The following TRRAP variants were observed in gnomAD, a reference collection of about 807,000 sequenced individuals.
TRRAP encodes transformation/transcription domain associated protein, also known as transformation/transcription domain-associated protein.
Under a neutral mutation model 438.8 loss-of-function variants are expected in TRRAP, and 41 were observed. That is an observed-to-expected ratio of 0.09 (90% CI 0.07 to 0.12). TRRAP has a LOEUF of 0.12. Among genes scored for constraint, TRRAP ranks in the 10% least tolerant of loss-of-function variants. The pLI, the probability that TRRAP is intolerant of heterozygous loss-of-function variation, is 1.00. For missense variants in TRRAP, 3,122 were observed against 5,055.1 expected, an observed-to-expected ratio of 0.62 and a Z score of 11.60; for synonymous variants, 1,994 against 1,962.9, an observed-to-expected ratio of 1.02 and a Z score of -0.42.
chr7:98,904,281 T>A (rs547068705), intron 12 of TRRAP, among the ~76,000 whole-genome samples: 1 of 151,960 alleles, frequency 6.6e-6, no homozygotes, highest in African/African-American at 2.4e-5. Flanking sequence ...CAGGAGATCC[T>A]GACCATCCTG....
chr7:98,878,761 A>C (rs1284348985), intron 1 of TRRAP, 124 bp downstream of exon 1: 2 of 151,608 alleles, frequency 1.3e-5, no homozygotes, highest in Non-Finnish European at 2.9e-5. Flanking sequence ...GCGCCCCGGG[A>C]TCCCCTAGGC....
chr7:99,004,643 C>A (rs1040888299), intron 68 of TRRAP, among the ~76,000 whole-genome samples: 3 of 152,216 alleles, frequency 2.0e-5, no homozygotes, highest in Non-Finnish European at 4.4e-5. Flanking sequence ...AGCAGACCTT[C>A]TTCCGAGTCA....
chr7:98,902,141 A>G (rs1397376853), intron 11 of TRRAP, among the ~76,000 whole-genome samples: 3 of 152,176 alleles, frequency 2.0e-5, no homozygotes, highest in African/African-American at 7.2e-5. Context: ...TATTTGGTTC[A>G]TTGACTTTTG....
Position 99,011,136 on chromosome 7 carries a change from A to G in TRRAP, c.11023A>G (p.Asn3675Asp). 5.0e-6 allele frequency: 8 copies of G among 1,614,096 alleles called. No individual in the cohort carries two copies. Among genetic ancestry groups the G allele is most frequent in the South Asian group, 1.1e-5 (1 of 91,068 alleles). ...LKEWALHTFP[N>D]ATDYWTFRKM... The stretch of plus-strand genomic sequence containing the variant: ...GGAGTGGGCGCTGCACACCTTCCCC[A>G]ATGCCACGGACTACTGGACGTTCCG... The change falls in exon 71 of 73, where the codon AAT becomes GAT. Residue 3675 changes from asparagine (N) to aspartate (D), a missense_variant. Physicochemically the swap from Asn to Asp is conservative, Grantham distance 23. Coordinates refer to ENST00000456197, the MANE Select transcript of TRRAP (RefSeq NM_001375524.1). This position sits in a 1 kb window ranked among gnomAD's most constrained non-coding sequence, Gnocchi z 7.1.
chr7:98,956,595 C>T lies in TRRAP; in HGVS notation c.6231+62C>T, dbSNP rs987125721. ...CTGCTGGGAGTTGGTTCGTTTATTC[C>T]CTATATTTAGAATGTGAGCTCGGTG... On this transcript the variant is annotated intron_variant, in intron 43 of 72. Transcript: ENST00000456197. The surrounding 1 kb of genome is among the most constrained non-coding windows in gnomAD (Gnocchi z 4.5). The T allele has an allele frequency of 1.1e-5, 17 of 1,564,260 alleles. No individual in the cohort carries two copies. The highest frequency in any genetic ancestry group is 1.4e-5 in the Non-Finnish European group (16 of 1,158,702).
At chr7:98,951,387 G>A (rs1422931119) in intron 39 of TRRAP, among the ~76,000 whole-genome samples, 2 of 152,158 alleles carry the variant, frequency 1.3e-5, no homozygotes, top group African/African-American at 4.8e-5. Context: ...CAGCCAGTGA[G>A]CATATGAGAC....
At chr7:98,913,065 G>A (rs76909520) in intron 18 of TRRAP, among the ~76,000 whole-genome samples, 3 of 152,078 alleles carry the variant, frequency 2.0e-5, no homozygotes, top group Non-Finnish European at 4.4e-5. Flanking sequence ...TTTGGTCCTC[G>A]TTGCTTGGTC....
chr7:99,008,763 G>T (rs866493308), intron 70 of TRRAP, among the ~76,000 whole-genome samples: 1 of 152,196 alleles, frequency 6.6e-6, no homozygotes, highest in African/African-American at 2.4e-5. Context: ...TGTCGTGGAC[G>T]GTTTGTTATG....
At chr7:98,894,848 C>T (rs1439770849) in intron 6 of TRRAP, among the ~76,000 whole-genome samples, 2 of 134,098 alleles carry the variant, frequency 1.5e-5, no homozygotes, top group Non-Finnish European at 3.1e-5. Context: ...TGTTGCCAAG[C>T]TGGTCTGTAA....
chr7:98,984,246 G>A lies in TRRAP; in HGVS notation c.9176G>A (p.Arg3059Gln). ...LVNVALDILSRIHTIPTVPIV... is the reference protein window; with the variant it reads ...LVNVALDILSQIHTIPTVPIV... Reference sequence around the variant, plus strand: ...AATGTAGCTCTGGATATATTAAGTCGGATTCATACTATTCCAACTGTTCCT... The same window carrying A: ...AATGTAGCTCTGGATATATTAAGTCAGATTCATACTATTCCAACTGTTCCT... Residue 3059 changes from arginine to glutamine, a missense_variant, in exon 61 of 73, where the codon CGG becomes CAG. Around this residue, in one of 24 missense-constraint regions of TRRAP, gnomAD observed 129 missense variants for 279.2 expected, o/e 0.46. Transcript: ENST00000456197. The A allele has an allele frequency of 6.2e-7, 1 of 1,613,858 alleles. No individual in the cohort carries two copies. The highest frequency in any genetic ancestry group is 8.5e-7 in the Non-Finnish European group (1 of 1,179,918).
chr7:98,879,947 A>G (rs1167741350), intron 1 of TRRAP, among the ~76,000 whole-genome samples: 1 of 152,208 alleles, frequency 6.6e-6, no homozygotes, highest in Non-Finnish European at 1.5e-5. Flanking sequence ...GAGCAGGATT[A>G]TGCAAGGAGG....
intron 49 of TRRAP, among the ~76,000 whole-genome samples, chr7:98,966,522 TA>T (rs1451156906): frequency 6.6e-6 from 1 of 151,962 alleles, no homozygotes; most frequent in African/African-American, 2.4e-5. Flanking sequence ...CCGTCTCTAC[TA>T]AAAATACAAA....
Position 98,925,143 on chromosome 7 carries a change from G to A in TRRAP, c.2855G>A (p.Ser952Asn). 1 of 1,614,192 alleles carries A rather than the reference G, an allele frequency of 6.2e-7. No individual in the cohort carries two copies. Among genetic ancestry groups the A allele is most frequent in the Non-Finnish European group, 8.5e-7 (1 of 1,180,024 alleles). ...AIETALDCLKSANTEPYYRRQ... is the reference protein window; with the variant it reads ...AIETALDCLKNANTEPYYRRQ... ...GAAACTGCTCTGGACTGCCTGAAAA[G>A]CGCCAACACTGAGCCCTACTACCGG... The change falls in exon 22 of 73, where the codon AGC becomes AAC. Residue 952 changes from serine (S) to asparagine (N), a missense_variant. Coordinates refer to ENST00000456197, the MANE Select transcript of TRRAP (RefSeq NM_001375524.1).
rs776296237 is a variant in TRRAP, at chr7:98,983,254, G to A, written c.8827-10G>A. On this transcript the variant is annotated splice_polypyrimidine_tract_variant and intron_variant, in intron 59 of 72. Coordinates refer to ENST00000456197, the MANE Select transcript of TRRAP (RefSeq NM_001375524.1). Reference sequence around the variant, plus strand: ...ATTTACCGCAGAGTCTCTTATGCTGGTCCCATCAGGCAGCCCAGCAAATCA... The same window carrying A: ...ATTTACCGCAGAGTCTCTTATGCTGATCCCATCAGGCAGCCCAGCAAATCA... 2.8e-5 allele frequency: 45 copies of A among 1,607,528 alleles called. No individual in the cohort carries two copies. Among genetic ancestry groups the A allele is most frequent in the Non-Finnish European group, 3.4e-5 (40 of 1,176,118 alleles).
rs910749640 is a variant in TRRAP, at chr7:99,013,202, G to A, written c.*847G>A. On this transcript the variant is annotated 3_prime_UTR_variant, in exon 73 of 73. Coordinates refer to ENST00000456197, the MANE Select transcript of TRRAP (RefSeq NM_001375524.1). ...ATAATGTTCTATCTAAATTTGTACA[G>A]TGTGATTTTTTTTTTTAGAATAAAT... The A allele has an allele frequency of 6.6e-6, 1 of 151,810 alleles. No homozygotes were observed. Among genetic ancestry groups the A allele is most frequent in the Admixed American group, 6.5e-5 (1 of 15,278 alleles). The allele number at this position is 151,810 out of a possible 1,614,324, so 9.4% of individuals were successfully genotyped here. A position where few individuals can be genotyped will look rare whatever the true frequency, so the allele number is the denominator to read the frequency against.
chr7:98,971,653 T>C, intron 52 of TRRAP, 146 bp from the exon 53 acceptor site: 3 of 972,330 alleles, frequency 3.1e-6, no homozygotes, highest in Non-Finnish European at 4.6e-6. Flanking sequence ...TATTTTAGGA[T>C]TGAAGATTAT....
chr7:99,004,466 T>G, intron 68 of TRRAP, 51 bp downstream of exon 68: 1 of 1,532,138 alleles, frequency 6.5e-7, no homozygotes, highest in Non-Finnish European at 8.9e-7. Flanking sequence ...CCCATGGACA[T>G]GGAGCCCCAT....
intron 43 of TRRAP, 52 bp from the exon 44 acceptor site, chr7:98,957,929 T>C: frequency 6.5e-7 from 1 of 1,527,792 alleles, no homozygotes; most frequent in Non-Finnish European, 9.0e-7. Context: ...AAGCCTGGGT[T>C]GGAAATTAGT....
rs1254934275 is a variant in TRRAP, at chr7:98,982,014, G to A, written c.8826+54G>A. The A allele has an allele frequency of 2.8e-6, 4 of 1,450,700 alleles. No homozygotes were observed. In the East Asian group the frequency reaches 7.9e-5, roughly 29 times the overall value. The allele number at this position is 1,450,700 out of a possible 1,614,324, so 89.9% of individuals were successfully genotyped here. On this transcript the variant is annotated intron_variant, in intron 59 of 72. Transcript: ENST00000456197. ...GGCCTGTGGCCTGTCGCAGCCAAGCGCCGGTGTCCAGGCTTAGGTCTGCAG... is the reference window on the plus strand; with the variant it reads ...GGCCTGTGGCCTGTCGCAGCCAAGCACCGGTGTCCAGGCTTAGGTCTGCAG...
Sources: gnomAD v4.1 joint callset for allele counts (sites outside exome capture counted in the v4.1 genomes callset) on GRCh38, gnomAD v4.1.1 for gene constraint, gnomAD v4.1.1 regional missense constraint, Gnocchi (gnomAD v3.1) non-coding constraint, MANE v1.5 for transcripts, NCBI Gene and HGNC (gene_info 2026-07-23, HGNC 2026-07-21) for gene names.